FGF10: variants seen among roughly 807,000 people sequenced by gnomAD.
FGF10 encodes the protein fibroblast growth factor 10.
A neutral mutation model predicts 19.8 loss-of-function variants in FGF10; 2 were observed. That is an observed-to-expected ratio of 0.10 (90% CI 0.04 to 0.32). The LOEUF (loss-of-function observed/expected upper bound fraction) is 0.32, where lower values mean the gene tolerates loss of function less well. Among genes scored for constraint, FGF10 ranks in the 10% least tolerant of loss-of-function variants. The pLI, the probability that FGF10 is intolerant of heterozygous loss-of-function variation, is 1.00. For missense variants in FGF10, 191 were observed against 246.3 expected (o/e 0.78, Z 1.50); for synonymous variants, 112 against 94.0 (o/e 1.19, Z -1.10).
chr5:44,381,480 A>AC (rs202214655), intron 1 of FGF10, among the ~76,000 whole-genome samples: 2,716 of 152,134 alleles, frequency 0.018, 96 homozygotes, highest in East Asian at 0.12. Context: ...TAAAAAAAAA[A>AC]ACACACACAA....
chr5:44,387,687 G>T (rs1055947836), intron 1 of FGF10, among the ~76,000 whole-genome samples: 1 of 152,116 alleles, frequency 6.6e-6, no homozygotes, highest in African/African-American at 2.4e-5. Context: ...AGCAGCGGTG[G>T]TGCCTGAAAA....
At chr5:44,383,200 G>C (rs565841755) in intron 1 of FGF10, among the ~76,000 whole-genome samples, 55 of 151,984 alleles carry the variant, frequency 3.6e-4, no homozygotes, top group African/African-American at 1.3e-3. Context: ...TAATAAATGG[G>C]GTTTGCTTCT....
intron 1 of FGF10, among the ~76,000 whole-genome samples, chr5:44,350,738 C>T (rs1741213770): frequency 6.7e-6 from 1 of 149,588 alleles, no homozygotes; most frequent in South Asian, 2.1e-4. Context: ...TCATTCATTT[C>T]ATGAAAAAAA....
chr5:44,321,530 T>G (rs1291480976), intron 1 of FGF10, among the ~76,000 whole-genome samples: 1 of 152,210 alleles, frequency 6.6e-6, no homozygotes, highest in Non-Finnish European at 1.5e-5. Context: ...ACAGAGTAGC[T>G]GCCGTGACTA....
chr5:44,319,957 T>C (rs2111721713), intron 1 of FGF10, among the ~76,000 whole-genome samples: 1 of 152,250 alleles, frequency 6.6e-6, no homozygotes, highest in Non-Finnish European at 1.5e-5. Context: ...TTGCAGCCAC[T>C]CCACAGCTAC....
rs1451781004 is a variant in FGF10, at chr5:44,300,932, G to T, written c.*4063C>A. On this transcript the variant is annotated 3_prime_UTR_variant, in exon 3 of 3. Transcript: ENST00000264664. ...TTGGATCTTGTAGTAAAGGAGTTTGGGGTTTTGGGTTTTGGAGTAGGAAAG... is the reference window on the plus strand; with the variant it reads ...TTGGATCTTGTAGTAAAGGAGTTTGTGGTTTTGGGTTTTGGAGTAGGAAAG... Among the ~76,000 whole-genome samples, 3 of 151,914 alleles carry T rather than the reference G, an allele frequency of 2.0e-5. No homozygotes were observed. The highest frequency in any genetic ancestry group is 4.8e-5 in the African/African-American group (2 of 41,364).
At chr5:44,368,486 A>G (rs1186572782) in intron 1 of FGF10, among the ~76,000 whole-genome samples, 1 of 152,148 alleles carries the variant, frequency 6.6e-6, no homozygotes, top group Non-Finnish European at 1.5e-5. Flanking sequence ...TAGGTTGTTC[A>G]GTACAATAAT....
intron 1 of FGF10, among the ~76,000 whole-genome samples, chr5:44,382,410 G>A (rs1742005208): frequency 6.6e-6 from 1 of 152,122 alleles, no homozygotes; most frequent in South Asian, 2.1e-4. Context: ...AACTGATTCT[G>A]TAAAACATCA....
intron 1 of FGF10, among the ~76,000 whole-genome samples, chr5:44,367,200 A>G (rs1490213772): frequency 6.6e-6 from 1 of 152,044 alleles, no homozygotes; most frequent in East Asian, 1.9e-4. Context: ...ACTACTGAAA[A>G]AAATCCATTT....
chr5:44,356,642 G>A lies in FGF10; in HGVS notation c.325+31716C>T, dbSNP rs575546450. On this transcript the variant is annotated intron_variant, in intron 1 of 2. Coordinates refer to ENST00000264664, the MANE Select transcript of FGF10 (RefSeq NM_004465.2). The stretch of plus-strand genomic sequence containing the variant: ...GTTTCTCAAGGCAGAAAGACTCCAC[G>A]CCTTTATTCAATATAAGAATATTGT... Among the ~76,000 whole-genome samples the A allele has an allele frequency of 8.0e-4, 121 of 151,466 alleles. 2 individuals are homozygous for A. The highest frequency in any genetic ancestry group is 2.7e-3 in the African/African-American group (112 of 41,420).
intron 1 of FGF10, among the ~76,000 whole-genome samples, chr5:44,331,474 T>C (rs748018694): frequency 1.3e-5 from 2 of 152,114 alleles, no homozygotes; most frequent in Admixed American, 1.3e-4. Flanking sequence ...TAATTGGAGA[T>C]TGCAAAATTT....
chr5:44,357,478 C>G (rs1741375750), intron 1 of FGF10, among the ~76,000 whole-genome samples: 1 of 151,478 alleles, frequency 6.6e-6, no homozygotes, highest in Non-Finnish European at 1.5e-5. Flanking sequence ...CTGTTTAACA[C>G]TTACCAAGTG....
intron 1 of FGF10, among the ~76,000 whole-genome samples, chr5:44,317,276 T>G (rs1740372569): frequency 6.6e-6 from 1 of 152,194 alleles, no homozygotes; most frequent in African/African-American, 2.4e-5. Flanking sequence ...GATCTGAATT[T>G]GCAGAAAATC....
Position 44,306,248 on chromosome 5 carries a change from T to A in FGF10, c.430-1056A>T, listed in dbSNP as rs368868513. 1.2e-3 allele frequency among the ~76,000 whole-genome samples: 180 copies of A among 151,896 alleles called. 1 individual carries two copies. The highest frequency in any genetic ancestry group is 4.3e-3 in the African/African-American group (176 of 41,400). On this transcript the variant is annotated intron_variant, in intron 2 of 2. Coordinates refer to ENST00000264664, the MANE Select transcript of FGF10 (RefSeq NM_004465.2). ...CCGTCTATACTAAAAATAGAAAAAA[T>A]TAGCCAGGCGTATTGGTGGGCGCCT...
At chr5:44,355,083 A>G (rs1741316851) in intron 1 of FGF10, among the ~76,000 whole-genome samples, 1 of 151,520 alleles carries the variant, frequency 6.6e-6, no homozygotes, top group South Asian at 2.1e-4. Context: ...AGTGTATAGA[A>G]CTATGGTCTA....
intron 1 of FGF10, among the ~76,000 whole-genome samples, chr5:44,338,935 G>C (rs1031295549): frequency 2.6e-5 from 4 of 152,112 alleles, no homozygotes; most frequent in African/African-American, 9.7e-5. Context: ...TGAATTTAAG[G>C]CATGTTAGGA....
intron 1 of FGF10, among the ~76,000 whole-genome samples, chr5:44,355,539 A>G (rs534664982): frequency 6.6e-6 from 1 of 151,224 alleles, no homozygotes; most frequent in Non-Finnish European, 1.5e-5. Flanking sequence ...AAATGGTACC[A>G]TTTACTAAGA....
chr5:44,378,784 C>T (rs1219140019), intron 1 of FGF10, among the ~76,000 whole-genome samples: 3 of 152,200 alleles, frequency 2.0e-5, no homozygotes, highest in East Asian at 3.9e-4. Flanking sequence ...TGCCTCTTTC[C>T]TCAATTCCAG....
At chr5:44,320,336 C>T (rs955911932) in intron 1 of FGF10, among the ~76,000 whole-genome samples, 2 of 152,138 alleles carry the variant, frequency 1.3e-5, no homozygotes, top group African/African-American at 2.4e-5. Flanking sequence ...TTACCACTTC[C>T]ACCCATGCTT....
Sources: allele counts gnomAD v4.1 joint callset (sites outside exome capture counted in the v4.1 genomes callset), GRCh38; gene constraint gnomAD v4.1.1; transcripts MANE v1.5; gene names NCBI Gene and HGNC (gene_info 2026-07-23, HGNC 2026-07-21).